Variants in ACSL5 observed in about 807,000 individuals in gnomAD.
ACSL5 encodes long-chain-fatty-acid--CoA ligase 5.
ACSL5 carries 50 observed loss-of-function variants against 84.9 expected under a neutral mutation model. The ratio of observed to expected loss-of-function variants is 0.59; its 90% CI spans 0.47 to 0.75. ACSL5 has a LOEUF of 0.75. Among genes scored for constraint, ACSL5 ranks in the 30% least tolerant of loss-of-function variants. The pLI is 0.00. For synonymous variants in ACSL5, 280 were observed against 300.7 expected (o/e 0.93, Z 0.71); for missense variants, 775 against 830.4 (o/e 0.93, Z 0.82).
chr10:112,406,870 T>C (rs959395286), intron 5 of ACSL5, among the ~76,000 whole-genome samples: 2 of 152,150 alleles, frequency 1.3e-5, no homozygotes, highest in African/African-American at 4.8e-5. Context: ...ACTCACTCAC[T>C]GTCACGAGAA....
At chr10:112,401,504 C>A (rs1042570647) in intron 3 of ACSL5, among the ~76,000 whole-genome samples, 1 of 152,178 alleles carries the variant, frequency 6.6e-6, no homozygotes, top group Non-Finnish European at 1.5e-5. Context: ...AATGGATGGG[C>A]TCTTTGTAGA....
intron 1 of ACSL5, among the ~76,000 whole-genome samples, chr10:112,380,418 A>T (rs1849326480): frequency 1.3e-5 from 2 of 151,696 alleles, no homozygotes; most frequent in African/African-American, 4.8e-5. Context: ...CCCACACACC[A>T]TCTCATTCAT....
In ACSL5 at chr10:112,391,917, G is replaced by A. The variant is rs375024584; in HGVS notation, c.-29-3001G>A. Among the ~76,000 whole-genome samples, 428 of 152,172 alleles carry A rather than the reference G, an allele frequency of 2.8e-3. 2 individuals carry two copies. The highest frequency in any genetic ancestry group is 1.0e-2 in the African/African-American group (415 of 41,506). On this transcript the variant is annotated intron_variant, in intron 1 of 20. Coordinates refer to ENST00000354655, the MANE Select transcript of ACSL5 (RefSeq NM_203379.2). ...ATTCTCTGTCCCTTTTCTCCCATAT[G>A]TATTACCAGTCAGGTTATTCACTCT... is the stretch of plus-strand genomic sequence containing the variant.
At chr10:112,414,420 A>C (rs2133640965) in intron 12 of ACSL5, among the ~76,000 whole-genome samples, 1 of 139,786 alleles carries the variant, frequency 7.2e-6, no homozygotes, top group African/African-American at 2.7e-5. Context: ...CAATGGCACG[A>C]TCTCAGCTCA....
chr10:112,408,907 T>C lies in ACSL5; in HGVS notation c.532+386T>C, dbSNP rs1589689832. The C allele has an allele frequency of 1.7e-5, 3 of 176,688 alleles. No homozygotes were observed. The South Asian group carries it at 3.8e-4, about 22-fold the overall frequency. The allele number at this position is 176,688 out of a possible 1,614,324, so 10.9% of individuals were successfully genotyped here. ...TCCAAGTCAATACAGTTAACCAGCA[T>C]GTACCAATGTCCATGGTGAGTCTGC... On this transcript the variant is annotated intron_variant, in intron 6 of 20. Transcript: ENST00000354655.
intron 1 of ACSL5, among the ~76,000 whole-genome samples, chr10:112,380,295 A>G (rs965999359): frequency 2.0e-5 from 3 of 152,106 alleles, no homozygotes; most frequent in African/African-American, 7.2e-5. Context: ...TTGACTTAAC[A>G]TGAGATCTCC....
intron 1 of ACSL5, among the ~76,000 whole-genome samples, chr10:112,392,174 A>G (rs912211336): frequency 2.0e-5 from 3 of 152,228 alleles, no homozygotes; most frequent in African/African-American, 7.2e-5. Context: ...AGCCCAGATA[A>G]AATATCACCA....
At chr10:112,409,305 AG>A in intron 6 of ACSL5, 1 of 563,108 alleles carries the variant, frequency 1.8e-6, no homozygotes, top group Non-Finnish European at 3.2e-6. Context: ...GCACAGTTCA[AG>A]AACATGTGCT....
intron 18 of ACSL5, 42 bp downstream of exon 18, chr10:112,425,523 C>G (rs370806173): frequency 1.3e-6 from 2 of 1,500,754 alleles, no homozygotes; most frequent in Admixed American, 4.1e-5. Context: ...AGTCACAAAC[C>G]ATGCTGGTTC....
intron 1 of ACSL5, among the ~76,000 whole-genome samples, chr10:112,386,055 G>GA (rs1351300483): frequency 2.0e-5 from 3 of 151,654 alleles, no homozygotes; most frequent in African/African-American, 4.8e-5. Flanking sequence ...TATTTTAAGT[G>GA]AAAAAATACC....
intron 1 of ACSL5, chr10:112,376,092 C>T (rs907638288): frequency 3.6e-6 from 2 of 558,436 alleles, no homozygotes; most frequent in African/African-American, 1.9e-5. Flanking sequence ...TTTGTGTCGG[C>T]CCTTAGGGGC....
At chr10:112,400,878 G>A (rs1033897933) in intron 3 of ACSL5, among the ~76,000 whole-genome samples, 1 of 152,126 alleles carries the variant, frequency 6.6e-6, no homozygotes, top group African/African-American at 2.4e-5. Flanking sequence ...TCTGTTTTTA[G>A]AAGTTTTCTT....
chr10:112,378,227 GTTTTTTTTTTTTTTTTTT>G (rs144322644), intron 1 of ACSL5, among the ~76,000 whole-genome samples: 3 of 56,782 alleles, frequency 5.3e-5, no homozygotes, highest in Admixed American at 5.9e-4. Context: ...TCTTCTTCTT[GTTTTTTTTTTTTTTTTTT>G]TTTTTTTTTT....
In ACSL5 at chr10:112,411,444, T is replaced by C. The variant is rs764492299; in HGVS notation, c.797-12T>C. ...ATAAAGTATCTTTCTCTCCACCTCT[T>C]ATTTCCTACAGGTGACCCCAAAGGA... On this transcript the variant is annotated splice_polypyrimidine_tract_variant and intron_variant, in intron 9 of 20. Transcript: ENST00000354655. 8.1e-6 allele frequency: 13 copies of C among 1,603,806 alleles called. No individual in the cohort carries two copies. The highest frequency in any genetic ancestry group is 7.7e-5 in the South Asian group (7 of 90,868).
Position 112,427,450 on chromosome 10 carries a change from CTAT to C in ACSL5, c.*94_*96del. ...TCTTACATTTGTTTTGCCTTTCCTC[CTAT>C]TTTTTTTTAACCTGTTAAACTCTAA... On this transcript the variant is annotated 3_prime_UTR_variant, in exon 21 of 21. Transcript: ENST00000354655. The C allele has an allele frequency of 7.7e-7, 1 of 1,305,806 alleles. No homozygotes were observed. Among genetic ancestry groups the C allele is most frequent in the Admixed American group, 3.0e-5 (1 of 33,672 alleles). 80.9% of individuals were successfully genotyped at this position (1,305,806 alleles called of 1,614,324 possible).
chr10:112,409,503 C>A lies in ACSL5; in HGVS notation c.533-4C>A. 2.5e-6 allele frequency: 4 copies of A among 1,612,550 alleles called. No homozygotes were observed. The highest frequency in any genetic ancestry group is 2.5e-6 in the Non-Finnish European group (3 of 1,179,624). On this transcript the variant is annotated splice_polypyrimidine_tract_variant and splice_region_variant and intron_variant, in intron 6 of 20. Transcript: ENST00000354655. ...ATGACCTCTGGTTCTATTTTGGCTTCCAGCTGATATCGCCATGGTGATCTG... is the reference window on the plus strand; with the variant it reads ...ATGACCTCTGGTTCTATTTTGGCTTACAGCTGATATCGCCATGGTGATCTG...
intron 1 of ACSL5, among the ~76,000 whole-genome samples, chr10:112,389,554 C>T (rs534799698): frequency 2.0e-5 from 3 of 152,114 alleles, no homozygotes; most frequent in Non-Finnish European, 4.4e-5. Context: ...TTCTTTACCA[C>T]TATTGTGCTT....
At chr10:112,403,135 A>G (rs1168343159) in intron 3 of ACSL5, among the ~76,000 whole-genome samples, 1 of 152,236 alleles carries the variant, frequency 6.6e-6, no homozygotes, top group Non-Finnish European at 1.5e-5. Context: ...GATATCTTAG[A>G]AGATACTCTC....
chr10:112,412,163 C>T (rs1356736676), intron 11 of ACSL5, 184 bp downstream of exon 11: 1 of 620,788 alleles, frequency 1.6e-6, no homozygotes, highest in Non-Finnish European at 2.9e-6. Context: ...GAGTCTTCCT[C>T]TGCTAAGTCT....
Sources: gnomAD v4.1 joint callset for allele counts (sites outside exome capture counted in the v4.1 genomes callset) on GRCh38, gnomAD v4.1.1 for gene constraint, MANE v1.5 for transcripts, NCBI Gene and HGNC (gene_info 2026-07-23, HGNC 2026-07-21) for gene names.